PARD3B: variants seen among roughly 807,000 people sequenced by gnomAD.
The protein encoded by PARD3B is partitioning defective 3 homolog B.
In PARD3B, 103 loss-of-function variants were observed where a neutral mutation model predicts 130.2. The ratio of observed to expected loss-of-function variants is 0.79; its 90% confidence interval spans 0.67 to 0.93. The LOEUF is 0.93. Among genes scored for constraint, PARD3B ranks in the 40% least tolerant of loss-of-function variants. The probability of loss-of-function intolerance (pLI) is 0.00; values close to 1 mark genes in which losing one functional copy is unlikely to be tolerated. For synonymous variants in PARD3B, 583 were observed against 553.2 expected (o/e 1.05, Z -0.76); for missense variants, 1,609 against 1,499.2 (o/e 1.07, Z -1.21).
intron 2 of PARD3B, among the ~76,000 whole-genome samples, chr2:204,927,873 T>C (rs995370541): frequency 5.3e-5 from 8 of 151,842 alleles, no homozygotes; most frequent in Non-Finnish European, 8.8e-5. Context: ...GATAGATAGA[T>C]AGAGATTGAT....
intron 10 of PARD3B, among the ~76,000 whole-genome samples, chr2:205,148,929 C>G (rs2033557731): frequency 6.6e-6 from 1 of 152,172 alleles, no homozygotes; most frequent in African/African-American, 2.4e-5. Context: ...ATAAAAGGTT[C>G]AGCATGGATG....
At chr2:204,804,040 C>G (rs942241675) in intron 2 of PARD3B, among the ~76,000 whole-genome samples, 1 of 151,980 alleles carries the variant, frequency 6.6e-6, no homozygotes, top group Non-Finnish European at 1.5e-5. Flanking sequence ...ATGGCAAAAC[C>G]CTGTCTACCA....
chr2:205,238,858 A>ATATATATATATATGTATGTGTG (rs2039202741), intron 15 of PARD3B, among the ~76,000 whole-genome samples: 1 of 91,406 alleles, frequency 1.1e-5, no homozygotes. Context: ...AAATATATAT[A>ATATATATATATATGTATGTGTG]TATATATATA....
intron 16 of PARD3B, among the ~76,000 whole-genome samples, chr2:205,278,115 A>G (rs1467690236): frequency 1.3e-5 from 2 of 152,304 alleles, no homozygotes; most frequent in East Asian, 3.9e-4. Flanking sequence ...CAAACAAAAT[A>G]AGGACTGAAA....
rs2055435238 is a variant in PARD3B, at chr2:205,616,322, G to GT, written c.*510dup. 1 of 153,354 alleles carries GT rather than the reference G, an allele frequency of 6.5e-6. No homozygotes were observed. The highest frequency in any genetic ancestry group is 2.4e-5 in the African/African-American group (1 of 41,496). The allele number at this position is 153,354 out of a possible 1,614,324, so 9.5% of individuals were successfully genotyped here. A position where few individuals can be genotyped will look rare whatever the true frequency, so the allele number is the denominator to read the frequency against. The stretch of plus-strand genomic sequence containing the variant: ...GCAGACAGAGATAGAGGCATCTGAA[G>GT]TGAGTATAGGTTTTTTGACTAAGAA... On this transcript the variant is annotated 3_prime_UTR_variant, in exon 23 of 23. Coordinates refer to ENST00000406610, the MANE Select transcript of PARD3B (RefSeq NM_001302769.2).
At chr2:204,617,356 ATTC>A (rs1274417264) in intron 1 of PARD3B, among the ~76,000 whole-genome samples, 1 of 152,032 alleles carries the variant, frequency 6.6e-6, no homozygotes, top group Non-Finnish European at 1.5e-5. Flanking sequence ...TTGCCTAACA[ATTC>A]TTCTTTCTTC....
intron 3 of PARD3B, among the ~76,000 whole-genome samples, chr2:205,002,630 C>T (rs1321757592): frequency 6.6e-6 from 1 of 152,138 alleles, no homozygotes; most frequent in Non-Finnish European, 1.5e-5. Context: ...GCTCTGATGT[C>T]CTCCTGCCTG....
At chr2:205,250,713 G>C (rs910476265) in intron 16 of PARD3B, among the ~76,000 whole-genome samples, 4 of 152,122 alleles carry the variant, frequency 2.6e-5, no homozygotes, top group Admixed American at 1.3e-4. Context: ...TGGATCATTT[G>C]AGATCAGGAG....
chr2:205,032,873 T>C (rs867753828), intron 3 of PARD3B, among the ~76,000 whole-genome samples: 1 of 152,182 alleles, frequency 6.6e-6, no homozygotes, highest in African/African-American at 2.4e-5. Flanking sequence ...ATAAATCATA[T>C]AGATTTGTAT....
intron 21 of PARD3B, among the ~76,000 whole-genome samples, chr2:205,531,125 A>G (rs913605827): frequency 6.6e-6 from 1 of 152,206 alleles, no homozygotes; most frequent in Non-Finnish European, 1.5e-5. Context: ...TCTTCTTCCA[A>G]CGTATGGAAG....
At chr2:204,793,363 ATGTTTTGTTT>A (rs1019273352) in intron 2 of PARD3B, among the ~76,000 whole-genome samples, 1 of 151,922 alleles carries the variant, frequency 6.6e-6, no homozygotes, top group Non-Finnish European at 1.5e-5. Flanking sequence ...TTAGTTATAC[ATGTTTTGTTT>A]TGTTTTGTTT....
intron 1 of PARD3B, among the ~76,000 whole-genome samples, chr2:204,591,172 C>T (rs1389373653): frequency 6.6e-6 from 1 of 152,186 alleles, no homozygotes; most frequent in Non-Finnish European, 1.5e-5. Context: ...AACAGGCACA[C>T]ACAATTTATC....
intron 1 of PARD3B, among the ~76,000 whole-genome samples, chr2:204,648,119 G>T (rs1356190091): frequency 6.6e-6 from 1 of 151,660 alleles, no homozygotes; most frequent in Non-Finnish European, 1.5e-5. Context: ...CAAGTATTTA[G>T]AAAGTACTGC....
chr2:205,055,979 ATG>A (rs764890390), intron 4 of PARD3B, among the ~76,000 whole-genome samples: 5 of 152,132 alleles, frequency 3.3e-5, no homozygotes, highest in Non-Finnish European at 7.4e-5. Context: ...ACATATAGTC[ATG>A]TTATCGTAAA....
intron 16 of PARD3B, among the ~76,000 whole-genome samples, chr2:205,248,427 A>C (rs887244471): frequency 5.4e-5 from 8 of 147,178 alleles, no homozygotes; most frequent in Admixed American, 3.3e-4. Context: ...CGGCAGCAGC[A>C]GCAGCAGAGG....
chr2:205,344,780 T>A (rs927082908), intron 18 of PARD3B, among the ~76,000 whole-genome samples: 1 of 152,180 alleles, frequency 6.6e-6, no homozygotes, highest in Non-Finnish European at 1.5e-5. Context: ...CTTAAGCTAA[T>A]TGGACTATAT....
intron 21 of PARD3B, among the ~76,000 whole-genome samples, chr2:205,546,264 A>C (rs973377397): frequency 6.6e-6 from 1 of 152,180 alleles, no homozygotes; most frequent in African/African-American, 2.4e-5. Context: ...TCACTTCCTG[A>C]GCTATATCAG....
chr2:205,197,670 G>A (rs745650746), intron 15 of PARD3B, among the ~76,000 whole-genome samples: 1 of 152,140 alleles, frequency 6.6e-6, no homozygotes, highest in Admixed American at 6.6e-5. Flanking sequence ...TTAAATAATT[G>A]CATGTAGTCA....
At chr2:204,571,867 C>T (rs2032022114) in intron 1 of PARD3B, among the ~76,000 whole-genome samples, 2 of 152,064 alleles carry the variant, frequency 1.3e-5, no homozygotes, top group African/African-American at 2.4e-5. Context: ...TATTACTGTC[C>T]TTAATTAAAT....
Sources: gnomAD v4.1 joint callset for allele counts (sites outside exome capture counted in the v4.1 genomes callset) on GRCh38, gnomAD v4.1.1 for gene constraint, MANE v1.5 for transcripts, NCBI Gene and HGNC (gene_info 2026-07-23, HGNC 2026-07-21) for gene names.